Variants in SLC15A5 observed in about 807,000 individuals in gnomAD.
SLC15A5 encodes the protein solute carrier family 15 member 5, also known as Peptide/histidine transporter ENSP00000340402.
SLC15A5 carries 58 observed loss-of-function variants against 56.1 expected under a neutral mutation model. The observed-to-expected ratio is 1.03, with a 90% CI of 0.84 to 1.29. The LOEUF (loss-of-function observed/expected upper bound fraction) is 1.29. Ranked by LOEUF, SLC15A5 falls within the 50% of genes most tolerant of loss-of-function variation. The probability of loss-of-function intolerance (pLI) is 0.00; values close to 1 mark genes in which losing one functional copy is unlikely to be tolerated. For synonymous variants in SLC15A5, 264 were observed against 250.5 expected, an observed-to-expected ratio of 1.05 and a Z score of -0.51; for missense variants, 681 against 672.1, an observed-to-expected ratio of 1.01 and a Z score of -0.15.
intron 6 of SLC15A5, among the ~76,000 whole-genome samples, chr12:16,223,125 T>C (rs1358689464): frequency 6.6e-6 from 1 of 150,668 alleles, no homozygotes; most frequent in East Asian, 2.0e-4. Context: ...TAAGTATGTG[T>C]GTGTATAAAT....
In SLC15A5 at chr12:16,250,074, G is replaced by A. The variant is rs547843155; in HGVS notation, c.755-5274C>T. On this transcript the variant is annotated intron_variant, in intron 3 of 8. Transcript: ENST00000344941. ...ATGCTTCACTGCCTCAGTATGTGGTGTAATAGAATGAGCTCCAGCCTAAGA... is the reference window on the plus strand; with the variant it reads ...ATGCTTCACTGCCTCAGTATGTGGTATAATAGAATGAGCTCCAGCCTAAGA... Among the ~76,000 whole-genome samples, 4 of 152,092 alleles carry A rather than the reference G, an allele frequency of 2.6e-5. No individual in the cohort carries two copies. In the South Asian group the frequency reaches 8.3e-4, roughly 32 times the overall value.
rs1357152254 is a variant in SLC15A5, at chr12:16,189,195, A to G, written c.*473T>C. On this transcript the variant is annotated 3_prime_UTR_variant, in exon 9 of 9. Transcript: ENST00000344941. ...TAACAGCAAATATAGAAAATCATGT[A>G]TATGTTTATTATTTACTCAGTTATA... The G allele has an allele frequency of 1.3e-5, 2 of 152,188 alleles. No homozygotes were observed. Among genetic ancestry groups the G allele is most frequent in the African/African-American group, 2.4e-5 (1 of 41,460 alleles). The allele number at this position is 152,188 out of a possible 1,614,324, so 9.4% of individuals were successfully genotyped here.
intron 5 of SLC15A5, among the ~76,000 whole-genome samples, chr12:16,238,235 C>A (rs542005218): frequency 6.6e-6 from 1 of 152,194 alleles, no homozygotes; most frequent in South Asian, 2.1e-4. Context: ...AGATAAAGAA[C>A]AGGAAACACA....
At chr12:16,224,845 A>G (rs760299941) in intron 5 of SLC15A5, among the ~76,000 whole-genome samples, 7 of 151,804 alleles carry the variant, frequency 4.6e-5, no homozygotes, top group Non-Finnish European at 8.8e-5. Flanking sequence ...GTCATTTACA[A>G]TAGGTATATC....
intron 8 of SLC15A5, 40 bp downstream of exon 8, chr12:16,194,305 T>A (rs1318453278): frequency 1.5e-6 from 2 of 1,339,722 alleles, no homozygotes; most frequent in Non-Finnish European, 1.0e-6. Flanking sequence ...CAATATTTCA[T>A]GGACTCAGAA....
chr12:16,275,268 G>C (rs927177991), intron 1 of SLC15A5, among the ~76,000 whole-genome samples: 1 of 152,050 alleles, frequency 6.6e-6, no homozygotes, highest in Non-Finnish European at 1.5e-5. Context: ...CAGAAAGAGA[G>C]AAGAGCATGT....
chr12:16,255,789 TA>T (rs5796659), intron 3 of SLC15A5, among the ~76,000 whole-genome samples: 12 of 150,972 alleles, frequency 7.9e-5, no homozygotes, highest in Non-Finnish European at 1.5e-4. Flanking sequence ...CTATACTAAG[TA>T]AAAAAAAAGC....
intron 7 of SLC15A5, among the ~76,000 whole-genome samples, chr12:16,205,884 A>C (rs1216020867): frequency 2.0e-5 from 3 of 152,098 alleles, no homozygotes; most frequent in Non-Finnish European, 4.4e-5. Flanking sequence ...TGCCTTTTGG[A>C]ATCTCTTCAA....
At chr12:16,224,343 C>A in intron 6 of SLC15A5, 71 bp downstream of exon 6, 1 of 1,385,246 alleles carries the variant, frequency 7.2e-7, no homozygotes, top group Non-Finnish European at 9.6e-7. Context: ...TTTAATTGTT[C>A]TGGTTGAGGT....
intron 4 of SLC15A5, among the ~76,000 whole-genome samples, chr12:16,244,111 G>T (rs184592930): frequency 1.1e-4 from 16 of 152,284 alleles, no homozygotes; most frequent in Middle Eastern, 3.4e-3. Flanking sequence ...TAGAGTGGGT[G>T]GGGAGAGAAT....
intron 5 of SLC15A5, among the ~76,000 whole-genome samples, chr12:16,227,966 G>A (rs539575643): frequency 6.6e-6 from 1 of 152,212 alleles, no homozygotes; most frequent in Non-Finnish European, 1.5e-5. Context: ...ATGCATTAGA[G>A]GGCACTGATA....
At chr12:16,252,702 T>C (rs1233363013) in intron 3 of SLC15A5, among the ~76,000 whole-genome samples, 1 of 152,098 alleles carries the variant, frequency 6.6e-6, no homozygotes, top group Admixed American at 6.6e-5. Flanking sequence ...TTGGAAGACT[T>C]AATATTGTTA....
At chr12:16,242,084 C>T (rs1864419131) in intron 4 of SLC15A5, among the ~76,000 whole-genome samples, 2 of 152,168 alleles carry the variant, frequency 1.3e-5, no homozygotes, top group Admixed American at 6.5e-5. Context: ...ATGGCAACCT[C>T]ATCAGCCGTA....
intron 3 of SLC15A5, among the ~76,000 whole-genome samples, chr12:16,252,928 G>C (rs1314751461): frequency 6.6e-6 from 1 of 152,116 alleles, no homozygotes; most frequent in Non-Finnish European, 1.5e-5. Context: ...ACAAGGTTCT[G>C]ATATGAAGAT....
At position 16,244,709 on chromosome 12, in the gene SLC15A5, G is replaced by T. The variant is rs1192680747; in HGVS notation, c.846C>A (p.Ser282Arg). The stretch of plus-strand genomic sequence containing the variant: ...TTTTTTCTTTGGCATGGTCTAACTG[G>T]CTTGTCACGTCTCTGCCAAGATGGC... The part of the protein sequence containing the change: ...QYCHLGRDVT[S>R]QLDHAKEKNG... The change falls in exon 4 of 9, where the codon AGC becomes AGA. Residue 282 changes from serine (S) to arginine (R), a missense_variant. By Grantham distance (110) the Ser-to-Arg change is moderately radical. Transcript: ENST00000344941. 2.1e-5 allele frequency: 33 copies of T among 1,537,436 alleles called. No homozygotes were observed. Among genetic ancestry groups the T allele is most frequent in the Admixed American group, 3.9e-5 (2 of 50,978 alleles).
intron 6 of SLC15A5, among the ~76,000 whole-genome samples, chr12:16,217,591 C>G (rs1864142640): frequency 6.6e-6 from 1 of 152,136 alleles, no homozygotes; most frequent in African/African-American, 2.4e-5. Flanking sequence ...TCGTTATTCA[C>G]TTGCAGAGGT....
At chr12:16,250,098 G>T (rs1864505183) in intron 3 of SLC15A5, among the ~76,000 whole-genome samples, 1 of 151,970 alleles carries the variant, frequency 6.6e-6, no homozygotes, top group Non-Finnish European at 1.5e-5. Context: ...TCCAGCCTAA[G>T]AAAAATAGGC....
At position 16,249,745 on chromosome 12, in the gene SLC15A5, C is replaced by T. The variant is rs187188282; in HGVS notation, c.755-4945G>A. On this transcript the variant is annotated intron_variant, in intron 3 of 8. Transcript: ENST00000344941. The stretch of plus-strand genomic sequence containing the variant: ...AAGAAGCAAATGAATGGATGCTGAA[C>T]AGTTATTTAGAAAATTTGAATCCAA... 2.6e-5 allele frequency among the ~76,000 whole-genome samples: 4 copies of T among 151,984 alleles called. No individual in the cohort carries two copies. The East Asian group carries it at 7.7e-4, about 29-fold the overall frequency.
intron 7 of SLC15A5, among the ~76,000 whole-genome samples, chr12:16,203,974 T>C (rs926737599): frequency 1.3e-5 from 2 of 152,054 alleles, no homozygotes; most frequent in African/African-American, 4.8e-5. Flanking sequence ...GAAAAATGTA[T>C]AAAATGTCTA....
Sources: gnomAD v4.1 joint callset for allele counts (sites outside exome capture counted in the v4.1 genomes callset) on GRCh38, gnomAD v4.1.1 for gene constraint, MANE v1.5 for transcripts, NCBI Gene and HGNC (gene_info 2026-07-23, HGNC 2026-07-21) for gene names.